The following CTNNBL1 variants were observed in gnomAD, a reference collection of about 807,000 sequenced individuals.
CTNNBL1 encodes catenin beta like 1.
In CTNNBL1, 31 loss-of-function variants were observed where a neutral mutation model predicts 72.7. The observed-to-expected ratio is 0.43, with a 90% confidence interval of 0.32 to 0.58. CTNNBL1 has a LOEUF of 0.58. CTNNBL1 is among the 20% of genes least tolerant of loss of function. The pLI is 0.08. For synonymous variants in CTNNBL1, 240 were observed against 267.3 expected (o/e 0.90, Z 1.00); for missense variants, 534 against 725.1 (o/e 0.74, Z 3.03).
chr20:37,770,087 C>G (rs1327057603), intron 7 of CTNNBL1, among the ~76,000 whole-genome samples: 1 of 152,244 alleles, frequency 6.6e-6, no homozygotes, highest in Non-Finnish European at 1.5e-5. Context: ...TAAACTCTAA[C>G]TCCCTCCAAA....
intron 12 of CTNNBL1, among the ~76,000 whole-genome samples, chr20:37,840,466 G>T (rs1390549468): frequency 6.6e-6 from 1 of 152,248 alleles, no homozygotes; most frequent in African/African-American, 2.4e-5. Flanking sequence ...GATTAGACTA[G>T]GATTTTTGTT....
At chr20:37,746,729 T>G in intron 4 of CTNNBL1, 122 bp downstream of exon 4, 1 of 1,248,550 alleles carries the variant, frequency 8.0e-7, no homozygotes, top group Non-Finnish European at 1.2e-6. Flanking sequence ...TCCATTCTAA[T>G]TATCTTCTGT....
chr20:37,732,883 A>T lies in CTNNBL1; in HGVS notation c.35A>T (p.Asn12Ile), dbSNP rs776118259. ...DVGELLSYQP[N>I]RGTKRPRDDE... The stretch of plus-strand genomic sequence containing the variant: ...CTTATGTTTCTTTTCTCTCAGCCCA[A>T]TAGGGGCACAAAACGTCCCCGGGAT... Residue 12 changes from asparagine to isoleucine, a missense_variant, in exon 2 of 16, where the codon AAT (asparagine) becomes ATT (isoleucine). By Grantham distance (149) the Asn-to-Ile change is moderately radical. Transcript: ENST00000361383. The T allele has an allele frequency of 6.2e-7, 1 of 1,613,396 alleles. No individual in the cohort carries two copies. The highest frequency in any genetic ancestry group is 1.7e-5 in the Admixed American group (1 of 59,990).
intron 1 of CTNNBL1, among the ~76,000 whole-genome samples, chr20:37,705,777 T>C (rs1334048312): frequency 6.6e-6 from 1 of 152,202 alleles, no homozygotes; most frequent in Non-Finnish European, 1.5e-5. Flanking sequence ...TTAGTGTCCC[T>C]AAAGGAAGTG....
chr20:37,820,311 C>T (rs189125315), intron 11 of CTNNBL1, among the ~76,000 whole-genome samples: 12 of 152,302 alleles, frequency 7.9e-5, no homozygotes, highest in Admixed American at 7.2e-4. Context: ...AAGTAAGGTA[C>T]ATAAGTACCT....
chr20:37,821,152 A>C (rs563904985), intron 11 of CTNNBL1, among the ~76,000 whole-genome samples: 32 of 152,250 alleles, frequency 2.1e-4, no homozygotes, highest in African/African-American at 6.3e-4. Flanking sequence ...AAGACTGATT[A>C]CTTACTCTTA....
chr20:37,793,996 G>A (rs1413856666), intron 10 of CTNNBL1, among the ~76,000 whole-genome samples: 1 of 152,138 alleles, frequency 6.6e-6, no homozygotes, highest in African/African-American at 2.4e-5. Context: ...GGCCAGGCTG[G>A]TCTTGAACTC....
rs760964033 is a variant in CTNNBL1 at position 37,859,956 on chromosome 20, C to T, written c.1450C>T (p.Arg484Trp). Reference protein sequence around the residue: ...DNDTEEEFYLRRLDAGLFVLQ... With the variant: ...DNDTEEEFYLWRLDAGLFVLQ... ...TGACACCGAGGAGGAGTTCTACCTCCGGCGCCTGGATGCGGGGCTCTTTGT... is the reference window on the plus strand; with the variant it reads ...TGACACCGAGGAGGAGTTCTACCTCTGGCGCCTGGATGCGGGGCTCTTTGT... Residue 484 changes from arginine (R) to tryptophan (W), a missense_variant, in exon 14 of 16, where the codon CGG (arginine) becomes TGG (tryptophan). Transcript: ENST00000361383. The T allele has an allele frequency of 2.0e-5, 32 of 1,614,042 alleles. No individual in the cohort carries two copies. The highest frequency in any genetic ancestry group is 6.7e-5 in the East Asian group (3 of 44,892).
At chr20:37,849,014 G>T (rs1034523084) in intron 13 of CTNNBL1, among the ~76,000 whole-genome samples, 3 of 152,144 alleles carry the variant, frequency 2.0e-5, no homozygotes, top group African/African-American at 7.2e-5. Context: ...AGTTTGACTA[G>T]ATCAAAAATA....
chr20:37,834,180 CT>C (rs1006319055), intron 11 of CTNNBL1, among the ~76,000 whole-genome samples: 2 of 152,136 alleles, frequency 1.3e-5, no homozygotes, highest in Admixed American at 1.3e-4. Context: ...ACATTTTTCT[CT>C]TTGAAAATTA....
At chr20:37,770,351 A>G (rs1280732328) in intron 7 of CTNNBL1, among the ~76,000 whole-genome samples, 1 of 152,220 alleles carries the variant, frequency 6.6e-6, no homozygotes, top group African/African-American at 2.4e-5. Context: ...AAAGTAGAGC[A>G]CCGAGTTTTA....
intron 4 of CTNNBL1, among the ~76,000 whole-genome samples, chr20:37,754,160 C>A (rs371177349): frequency 3.3e-5 from 5 of 151,990 alleles, no homozygotes; most frequent in Non-Finnish European, 5.9e-5. Context: ...AGTTTATTAA[C>A]TAGAATTTAA....
intron 10 of CTNNBL1, among the ~76,000 whole-genome samples, chr20:37,800,966 T>A (rs911676364): frequency 7.9e-5 from 12 of 152,240 alleles, no homozygotes; most frequent in Admixed American, 6.5e-5. Context: ...CAACACAATG[T>A]TACTCCTTAG....
At chr20:37,755,983 A>G (rs1443979902) in intron 4 of CTNNBL1, among the ~76,000 whole-genome samples, 1 of 151,268 alleles carries the variant, frequency 6.6e-6, no homozygotes, top group Non-Finnish European at 1.5e-5. Flanking sequence ...TCCCTTTTCC[A>G]CTTCCTTCCC....
At chr20:37,712,559 G>A (rs1023800272) in intron 1 of CTNNBL1, among the ~76,000 whole-genome samples, 12 of 152,206 alleles carry the variant, frequency 7.9e-5, no homozygotes, top group African/African-American at 2.9e-4. Context: ...TACAGTTGCT[G>A]TCAGTTGTGT....
At chr20:37,791,111 G>A (rs1020870669) in intron 10 of CTNNBL1, among the ~76,000 whole-genome samples, 2 of 152,156 alleles carry the variant, frequency 1.3e-5, no homozygotes, top group African/African-American at 4.8e-5. Context: ...TCACTGCTGA[G>A]TAGCACTCCA....
At chr20:37,805,703 T>G (rs1393191314) in intron 11 of CTNNBL1, among the ~76,000 whole-genome samples, 2 of 152,136 alleles carry the variant, frequency 1.3e-5, no homozygotes, top group African/African-American at 4.8e-5. Context: ...GGCCTGGTCC[T>G]TAGTTTTGAT....
rs539627273 is a variant in CTNNBL1 at position 37,768,125 on chromosome 20, G to C, written c.750+81G>C. On this transcript the variant is annotated intron_variant, in intron 7 of 15. Transcript: ENST00000361383. ...TGATGCTGGGTTATTGGCATAGACT[G>C]TTATGCTGGGCCATATGATCTAGTT... 26 of 1,135,900 alleles carry C rather than the reference G, an allele frequency of 2.3e-5. No individual in the cohort carries two copies. The African/African-American group carries it at 2.7e-4, about 12-fold the overall frequency. 70.4% of individuals were successfully genotyped at this position (1,135,900 alleles called of 1,614,324 possible). A position where few individuals can be genotyped will look rare whatever the true frequency, so the allele number is the denominator to read the frequency against.
chr20:37,733,048 G>GGGAAGA lies in CTNNBL1; in HGVS notation c.215_219+1dup, dbSNP rs750833123. 282 of 1,613,244 alleles carry GGGAAGA rather than the reference G, an allele frequency of 1.7e-4. No homozygotes were observed. The highest frequency in any genetic ancestry group is 2.3e-4 in the Non-Finnish European group (269 of 1,179,918). On this transcript the variant is annotated inframe_insertion, in exon 2 of 16. Coordinates refer to ENST00000361383, the MANE Select transcript of CTNNBL1 (RefSeq NM_030877.5). ...CTGCTGCAGATTATTGACAGAGATG[G>GGGAAGA]GGAAGAGGAAGAGGAAGAGGTAACG...
Sources: gnomAD v4.1 joint callset for allele counts (sites outside exome capture counted in the v4.1 genomes callset) on GRCh38, gnomAD v4.1.1 for gene constraint, MANE v1.5 for transcripts, NCBI Gene and HGNC (gene_info 2026-07-23, HGNC 2026-07-21) for gene names.